TSR1: variants seen among roughly 807,000 people sequenced by gnomAD.
TSR1 encodes the protein pre-rRNA-processing protein TSR1 homolog.
TSR1 carries 81 observed loss-of-function variants against 90.9 expected under a neutral mutation model. That is an observed-to-expected ratio of 0.89 (90% CI 0.74 to 1.07). TSR1 has a LOEUF of 1.07. Ranked by LOEUF, TSR1 falls within the 50% of genes least tolerant of loss-of-function variation. The pLI, the probability that TSR1 is intolerant of heterozygous loss-of-function variation, is 0.00. For synonymous variants in TSR1, 362 were observed against 348.8 expected, an observed-to-expected ratio of 1.04 and a Z score of -0.42; for missense variants, 989 against 987.3, an observed-to-expected ratio of 1.00 and a Z score of -0.02.
Position 2,333,660 on chromosome 17 carries a change from C to T in TSR1, c.1038G>A (p.Lys346=), listed in dbSNP as rs2064023768. ...AGGATTCCTGTCTACCAGGGTCTGC[C>T]TTCATTAGGACTTTAAGACCTTCTT... ...DMEEGLKVLM[K]ADPGRQESLQ... Residue 346 remains lysine (K), a synonymous_variant, in exon 6 of 15, where the codon AAG becomes AAA. Transcript: ENST00000301364. 1 of 1,614,100 alleles carries T rather than the reference C, an allele frequency of 6.2e-7. No individual in the cohort carries two copies.
At chr17:2,326,283 T>G (rs1376216174) in intron 11 of TSR1, among the ~76,000 whole-genome samples, 3 of 152,234 alleles carry the variant, frequency 2.0e-5, no homozygotes, top group Non-Finnish European at 4.4e-5. Context: ...CCATTAATAC[T>G]GCTTTCTTCA....
At chr17:2,326,638 T>A (rs1348536583) in intron 11 of TSR1, among the ~76,000 whole-genome samples, 2 of 152,180 alleles carry the variant, frequency 1.3e-5, no homozygotes, top group Non-Finnish European at 2.9e-5. Flanking sequence ...CTCACCCCCC[T>A]TTTAAAAATA....
rs113586274 is a variant in TSR1 at position 2,335,537 on chromosome 17, C to T, written c.395G>A (p.Arg132Gln). Reference sequence around the variant, plus strand: ...TGGCCTTGCTGAGGTGAAAAACCACCGATGTTTCAAGCGGGGGCACAGCAG... The same window carrying T: ...TGGCCTTGCTGAGGTGAAAAACCACTGATGTTTCAAGCGGGGGCACAGCAG... Reference protein sequence around the residue: ...FMLLCPRLKHRWFFTSARPGD... With the variant: ...FMLLCPRLKHQWFFTSARPGD... The change falls in exon 3 of 15, where the codon CGG (arginine) becomes CAG (glutamine). Residue 132 changes from arginine (R) to glutamine (Q), a missense_variant. Physicochemically the swap from Arg to Gln is conservative, Grantham distance 43 (BLOSUM62 1). Coordinates refer to ENST00000301364, the MANE Select transcript of TSR1 (RefSeq NM_018128.5). 6.2e-7 allele frequency: 1 copy of T among 1,614,004 alleles called. No individual in the cohort carries two copies. The highest frequency in any genetic ancestry group is 1.1e-5 in the South Asian group (1 of 91,076).
chr17:2,325,830 C>T (rs1163151633), intron 11 of TSR1, among the ~76,000 whole-genome samples: 1 of 152,184 alleles, frequency 6.6e-6, no homozygotes, highest in African/African-American at 2.4e-5. Flanking sequence ...CCAGGCTGGT[C>T]TCGAACTCCT....
At chr17:2,325,478 G>A (rs2075571056) in intron 11 of TSR1, 58 bp from the exon 12 acceptor site, 2 of 1,347,370 alleles carry the variant, frequency 1.5e-6, no homozygotes, top group South Asian at 1.3e-5. Flanking sequence ...AGAGGTGATA[G>A]AGGCCTGTGA....
At position 2,336,420 on chromosome 17, in the gene TSR1, G is replaced by T. The variant is rs756774567; in HGVS notation, c.8C>A (p.Ala3Asp). Reference protein sequence around the residue: MAAHRPGPLKQQN... With the variant: MADHRPGPLKQQN... ...CTGCTTGAGCGGGCCGGGGCGGTGGGCCGCCATGCCGCAGCGCGCGTGTAC... is the reference window on the plus strand; with the variant it reads ...CTGCTTGAGCGGGCCGGGGCGGTGGTCCGCCATGCCGCAGCGCGCGTGTAC... The change falls in exon 1 of 15, where the codon GCC becomes GAC. Residue 3 changes from alanine (A) to aspartate (D), a missense_variant. Transcript: ENST00000301364. 12 of 1,609,644 alleles carry T rather than the reference G, an allele frequency of 7.5e-6. No individual in the cohort carries two copies. The Admixed American group carries it at 1.0e-4, about 13-fold the overall frequency.
chr17:2,323,716 G>T lies in TSR1; in HGVS notation c.*480C>A, dbSNP rs2075554692. On this transcript the variant is annotated 3_prime_UTR_variant, in exon 15 of 15. Transcript: ENST00000301364. ...CTCATTGAACCTACAGCTGGTGTTG[G>T]AGTGGCTGCTGTGCTGTCTCAACAT... 1 of 1,613,914 alleles carries T rather than the reference G, an allele frequency of 6.2e-7. No homozygotes were observed. The highest frequency in any genetic ancestry group is 8.5e-7 in the Non-Finnish European group (1 of 1,179,924).
chr17:2,325,117 A>G (rs957861719), intron 12 of TSR1, 187 bp downstream of exon 12: 2 of 603,252 alleles, frequency 3.3e-6, no homozygotes, highest in South Asian at 2.3e-5. Context: ...CTGGCTATAC[A>G]CTGTTTCACG....
intron 11 of TSR1, among the ~76,000 whole-genome samples, chr17:2,326,490 T>G (rs1323776070): frequency 6.6e-6 from 1 of 152,120 alleles, no homozygotes; most frequent in Non-Finnish European, 1.5e-5. Context: ...CAGCCTCCAT[T>G]CCTTCACCCA....
intron 7 of TSR1, 45 bp from the exon 8 acceptor site, chr17:2,332,404 T>C (rs975685309): frequency 4.0e-6 from 6 of 1,510,494 alleles, no homozygotes; most frequent in Middle Eastern, 1.7e-4. Flanking sequence ...TCCACACCTG[T>C]CTCTACCCCA....
Position 2,334,687 on chromosome 17 carries a change from G to A in TSR1, c.766C>T (p.His256Tyr), listed in dbSNP as rs769606837. ...TCACTAGGAACAAAATCAACAGCAT[G>A]GGCAAATAGGTAGGCCCGCCGATCT... Reference protein sequence around the residue: ...FRDRRAYLFAHAVDFVPSEEN... With the variant: ...FRDRRAYLFAYAVDFVPSEEN... Residue 256 changes from histidine to tyrosine, a missense_variant, in exon 5 of 15, where the codon CAT becomes TAT. Coordinates refer to ENST00000301364, the MANE Select transcript of TSR1 (RefSeq NM_018128.5). 53 of 1,613,478 alleles carry A rather than the reference G, an allele frequency of 3.3e-5. No homozygotes were observed. Among genetic ancestry groups the A allele is most frequent in the Non-Finnish European group, 4.0e-5 (47 of 1,180,046 alleles).
chr17:2,331,684 T>G (rs2064004968), intron 8 of TSR1, among the ~76,000 whole-genome samples: 2 of 152,184 alleles, frequency 1.3e-5, no homozygotes, highest in African/African-American at 4.8e-5. Context: ...TTAAATCTCT[T>G]TTCTTTATAA....
At chr17:2,334,281 A>G (rs1271272119) in intron 5 of TSR1, among the ~76,000 whole-genome samples, 191 bp downstream of exon 5, 3 of 152,224 alleles carry the variant, frequency 2.0e-5, no homozygotes, top group Non-Finnish European at 4.4e-5. Context: ...CTCAGAGCCA[A>G]TCACAGTGCA....
intron 5 of TSR1, among the ~76,000 whole-genome samples, chr17:2,334,211 T>C (rs956176790): frequency 2.6e-5 from 4 of 152,220 alleles, no homozygotes; most frequent in Non-Finnish European, 4.4e-5. Context: ...CATGCCATTT[T>C]GTTCCAGCCC....
intron 11 of TSR1, among the ~76,000 whole-genome samples, chr17:2,328,048 G>A (rs8081053): frequency 0.3 from 45,339 of 151,506 alleles, 7,372 homozygotes; most frequent in African/African-American, 0.42. Context: ...GTCGAGACCA[G>A]CCTGGCCAGC....
intron 1 of TSR1, 85 bp downstream of exon 1, chr17:2,336,246 G>A (rs1029861105): frequency 8.8e-6 from 14 of 1,592,446 alleles, no homozygotes; most frequent in African/African-American, 8.1e-5. Context: ...GAGCCCAGAC[G>A]GGAGACAGAA....
In TSR1 at chr17:2,323,064, C is replaced by G; in HGVS notation, c.*1132G>C. On this transcript the variant is annotated 3_prime_UTR_variant, in exon 15 of 15. Transcript: ENST00000301364. ...ACAGGTGTGAGCCACCACACCAGGC[C>G]CATATTTTCTTTTAGACATGCAGGC... is the stretch of plus-strand genomic sequence containing the variant. 5 of 1,492,230 alleles carry G rather than the reference C, an allele frequency of 3.4e-6. No individual in the cohort carries two copies. The highest frequency in any genetic ancestry group is 4.7e-6 in the Non-Finnish European group (5 of 1,073,284). The allele number at this position is 1,492,230 out of a possible 1,614,324, so 92.4% of individuals were successfully genotyped here.
At chr17:2,334,331 A>G in intron 5 of TSR1, 141 bp downstream of exon 5, 2 of 887,986 alleles carry the variant, frequency 2.3e-6, no homozygotes, top group East Asian at 2.5e-5. Context: ...TGATTTATCA[A>G]CCTATTTATA....
At chr17:2,336,218 G>A in intron 1 of TSR1, 78 bp from the exon 2 acceptor site, 1 of 1,600,252 alleles carries the variant, frequency 6.2e-7, no homozygotes, top group Non-Finnish European at 8.6e-7. Context: ...GCCCACCTTA[G>A]AAAGGGCCTT....
Sources: allele counts gnomAD v4.1 joint callset (sites outside exome capture counted in the v4.1 genomes callset), GRCh38; gene constraint gnomAD v4.1.1; transcripts MANE v1.5; gene names NCBI Gene and HGNC (gene_info 2026-07-23, HGNC 2026-07-21).